TJP2: variants seen among roughly 807,000 people sequenced by gnomAD.
TJP2 encodes tight junction protein 2.
TJP2 carries 91 observed loss-of-function variants against 133.1 expected under a neutral mutation model. That is an observed-to-expected ratio of 0.68 (90% confidence interval 0.58 to 0.81). The LOEUF (loss-of-function observed/expected upper bound fraction) is 0.81. Ranked by LOEUF, TJP2 falls within the 40% of genes least tolerant of loss-of-function variation. The probability of loss-of-function intolerance (pLI) is 0.00; values close to 1 mark genes in which losing one functional copy is unlikely to be tolerated. For missense variants in TJP2, 1,541 were observed against 1,565.6 expected (o/e 0.98, Z 0.26); for synonymous variants, 592 against 583.4 (o/e 1.01, Z -0.21).
intron 1 of TJP2, among the ~76,000 whole-genome samples, chr9:69,135,076 C>T (rs561459165): frequency 1.3e-5 from 2 of 152,082 alleles, no homozygotes; most frequent in East Asian, 3.9e-4. Flanking sequence ...CTCATCTAAA[C>T]CTGATTACCT....
chr9:69,235,339 T>C (rs1830105212), intron 12 of TJP2, among the ~76,000 whole-genome samples: 1 of 151,838 alleles, frequency 6.6e-6, no homozygotes, highest in Non-Finnish European at 1.5e-5. Context: ...TATTATTTTT[T>C]TGAGACGGAG....
intron 1 of TJP2, among the ~76,000 whole-genome samples, chr9:69,208,890 A>G (rs1161258083): frequency 6.6e-6 from 1 of 152,186 alleles, no homozygotes; most frequent in Non-Finnish European, 1.5e-5. Flanking sequence ...TATTTATTTT[A>G]CCACAACTTC....
intron 1 of TJP2, among the ~76,000 whole-genome samples, chr9:69,178,112 G>A (rs1825229307): frequency 6.6e-6 from 1 of 151,952 alleles, no homozygotes; most frequent in Non-Finnish European, 1.5e-5. Flanking sequence ...TAACCTGTGA[G>A]CTCTCAGAGG....
intron 4 of TJP2, among the ~76,000 whole-genome samples, chr9:69,220,023 C>T (rs1210171926): frequency 2.6e-5 from 4 of 152,074 alleles, no homozygotes; most frequent in Non-Finnish European, 4.4e-5. Flanking sequence ...TGGTGGTGTG[C>T]GCCTGTAATC....
At chr9:69,236,803 C>T in intron 13 of TJP2, 146 bp from the exon 14 acceptor site, 1 of 969,342 alleles carries the variant, frequency 1.0e-6, no homozygotes, top group Non-Finnish European at 1.7e-6. Flanking sequence ...TGAAGGTCCC[C>T]ACATTTCCCA....
chr9:69,221,654 A>T (rs904751842), intron 5 of TJP2, among the ~76,000 whole-genome samples, 158 bp downstream of exon 5: 1 of 151,822 alleles, frequency 6.6e-6, no homozygotes, highest in Non-Finnish European at 1.5e-5. Flanking sequence ...CCCGGGTTCA[A>T]GTGATTCTCC....
intron 1 of TJP2, among the ~76,000 whole-genome samples, chr9:69,142,819 A>G (rs1293876185): frequency 6.6e-6 from 1 of 152,212 alleles, no homozygotes; most frequent in African/African-American, 2.4e-5. Context: ...CTTTTTTTGG[A>G]TCATGTATAT....
At chr9:69,251,492 T>C in intron 21 of TJP2, 128 bp downstream of exon 21, 1 of 971,966 alleles carries the variant, frequency 1.0e-6, no homozygotes, top group South Asian at 1.5e-5. Flanking sequence ...AGGCAGGTGC[T>C]GTGTATGTCA....
intron 4 of TJP2, among the ~76,000 whole-genome samples, chr9:69,218,719 A>G (rs781714591): frequency 1.3e-5 from 2 of 152,216 alleles, no homozygotes; most frequent in Admixed American, 6.5e-5. Context: ...AAGGTATATT[A>G]TATCTTCATA....
rs759954506 is a variant in TJP2, at chr9:69,125,303, A to ATT, written c.-131+3598_-131+3599dup. Among the ~76,000 whole-genome samples, 211 of 43,832 alleles carry ATT rather than the reference A, an allele frequency of 4.8e-3. 52 individuals carry two copies. Among genetic ancestry groups the ATT allele is most frequent in the African/African-American group, 0.014 (193 of 14,092 alleles). 28.8% of individuals were successfully genotyped at this position (43,832 alleles called of 152,430 possible). On this transcript the variant is annotated intron_variant, in intron 1 of 5. Coordinates refer to the TJP2 transcript ENST00000423935. ...TGTGCGTTTAATAGCACCCTGAGTG[A>ATT]TTTTTTTTTTTTTTTTTTTTTGAGA...
At chr9:69,226,230 C>G in intron 7 of TJP2, 55 bp downstream of exon 7, 1 of 1,589,874 alleles carries the variant, frequency 6.3e-7, no homozygotes, top group Non-Finnish European at 8.6e-7. Flanking sequence ...CTGTTGCTTC[C>G]CCATTCTTCT....
chr9:69,234,626 A>T, intron 12 of TJP2, 79 bp downstream of exon 12: 2 of 1,095,978 alleles, frequency 1.8e-6, no homozygotes, highest in Non-Finnish European at 2.7e-6. Flanking sequence ...TTGGTACCAG[A>T]ATAGGCAAAT....
At chr9:69,181,376 G>A (rs1392358670) in intron 1 of TJP2, among the ~76,000 whole-genome samples, 1 of 149,548 alleles carries the variant, frequency 6.7e-6, no homozygotes, top group Non-Finnish European at 1.5e-5. Context: ...AGCCTCCCAA[G>A]TAGCTGGGAT....
intron 1 of TJP2, among the ~76,000 whole-genome samples, chr9:69,200,897 A>G (rs1341984539): frequency 1.3e-5 from 2 of 152,046 alleles, no homozygotes; most frequent in African/African-American, 4.8e-5. Flanking sequence ...GGCACTTATT[A>G]CTACCTGAGA....
At chr9:69,218,414 A>G (rs773340303) in intron 4 of TJP2, 55 bp downstream of exon 4, 2 of 1,338,792 alleles carry the variant, frequency 1.5e-6, no homozygotes, top group Middle Eastern at 1.8e-4. Context: ...TTTTTTGCCC[A>G]GAAGAAAATT....
At chr9:69,198,911 TGAAGCCAAAA>T (rs1303049611) in intron 1 of TJP2, among the ~76,000 whole-genome samples, 1 of 152,254 alleles carries the variant, frequency 6.6e-6, no homozygotes, top group Non-Finnish European at 1.5e-5. Flanking sequence ...GTAAGTGCCC[TGAAGCCAAAA>T]GGACTTGGTT....
At chr9:69,150,010 C>T (rs1018342827) in intron 1 of TJP2, among the ~76,000 whole-genome samples, 1 of 151,776 alleles carries the variant, frequency 6.6e-6, no homozygotes, top group Non-Finnish European at 1.5e-5. Context: ...ATTAGCCGGC[C>T]GTGGTGGCAC....
chr9:69,169,374 G>GA (rs1002597514), upstream of TJP2, among the ~76,000 whole-genome samples: 4 of 149,322 alleles, frequency 2.7e-5, no homozygotes, highest in Non-Finnish European at 5.9e-5. Context: ...TTTTTTGGGG[G>GA]GGGGATGGAG....
In TJP2 at chr9:69,174,338, C is replaced by T. The variant is rs540500990; in HGVS notation, c.-35C>T. The stretch of plus-strand genomic sequence containing the variant: ...CAGGAGCAGAAGCAGAAGCGGGGTC[C>T]GGAGCTGCGCGCCTACGCGGGACCT... On this transcript the variant is annotated 5_prime_UTR_variant, in exon 1 of 23. Transcript: ENST00000377245. The T allele has an allele frequency of 9.0e-6, 14 of 1,551,046 alleles. No homozygotes were observed. In the East Asian group the frequency reaches 3.4e-4, roughly 38 times the overall value.
Sources: gnomAD v4.1 joint callset for allele counts (sites outside exome capture counted in the v4.1 genomes callset) on GRCh38, gnomAD v4.1.1 for gene constraint, MANE v1.5 for transcripts, NCBI Gene and HGNC (gene_info 2026-07-23, HGNC 2026-07-21) for gene names.